NMT2: variants seen among roughly 807,000 people sequenced by gnomAD.
NMT2 encodes the protein glycylpeptide N-tetradecanoyltransferase 2.
Under a neutral mutation model 65.4 loss-of-function variants are expected in NMT2, and 35 were observed. The ratio of observed to expected loss-of-function variants is 0.54; its 90% CI spans 0.41 to 0.71. The LOEUF (loss-of-function observed/expected upper bound fraction) is 0.71. Among genes scored for constraint, NMT2 ranks in the 30% least tolerant of loss-of-function variants. NMT2 has a pLI of 0.00. For missense variants in NMT2, 489 were observed against 611.3 expected (o/e 0.80, Z 2.11); for synonymous variants, 226 against 231.8 (o/e 0.98, Z 0.23).
At chr10:15,161,105 A>C (rs1382168160) in intron 1 of NMT2, among the ~76,000 whole-genome samples, 3 of 149,966 alleles carry the variant, frequency 2.0e-5, no homozygotes, top group Non-Finnish European at 1.5e-5. Context: ...AAAAAAAAAA[A>C]AAAAACACAA....
At position 15,164,461 on chromosome 10, in the gene NMT2, C is replaced by T. The variant is rs139442929; in HGVS notation, c.110+4042G>A. On this transcript the variant is annotated intron_variant, in intron 1 of 11. Transcript: ENST00000378165. ...TTGGTTTTGTTACCAAAGTTCAACA[C>T]GAATTTTATTTGACTCTGTCTCCAA... is the stretch of plus-strand genomic sequence containing the variant. Among the ~76,000 whole-genome samples, 8 of 152,228 alleles carry T rather than the reference C, an allele frequency of 5.3e-5. No individual in the cohort carries two copies. In the East Asian group the frequency reaches 7.7e-4, roughly 15 times the overall value.
At chr10:15,141,640 C>T in intron 1 of NMT2, 83 bp from the exon 2 acceptor site, 2 of 1,471,268 alleles carry the variant, frequency 1.4e-6, no homozygotes, top group Non-Finnish European at 9.1e-7. Flanking sequence ...TTAATCATTT[C>T]AAAAAACACA....
chr10:15,121,477 C>G (rs1032741408), intron 8 of NMT2, among the ~76,000 whole-genome samples: 4 of 152,184 alleles, frequency 2.6e-5, no homozygotes, highest in Non-Finnish European at 5.9e-5. Flanking sequence ...AATCGATTCT[C>G]TTGCCTCAGG....
intron 1 of NMT2, among the ~76,000 whole-genome samples, chr10:15,161,355 T>TA (rs1833192188): frequency 1.3e-5 from 2 of 152,220 alleles, no homozygotes; most frequent in South Asian, 4.1e-4. Flanking sequence ...TTTTATTTTT[T>TA]ACTTTTATTT....
chr10:15,122,561 A>G (rs1284682528), intron 8 of NMT2, among the ~76,000 whole-genome samples: 1 of 152,114 alleles, frequency 6.6e-6, no homozygotes, highest in Non-Finnish European at 1.5e-5. Flanking sequence ...CTAGGATTAC[A>G]AGCACGTGCC....
At chr10:15,153,797 C>A (rs1325657113) in intron 1 of NMT2, among the ~76,000 whole-genome samples, 1 of 151,776 alleles carries the variant, frequency 6.6e-6, no homozygotes, top group Non-Finnish European at 1.5e-5. Context: ...CTACAGGTGC[C>A]CGCCACCACG....
chr10:15,159,708 G>A (rs1359996575), intron 1 of NMT2, among the ~76,000 whole-genome samples: 1 of 152,170 alleles, frequency 6.6e-6, no homozygotes, highest in African/African-American at 2.4e-5. Flanking sequence ...GATTACAGGC[G>A]TGAGCCACTG....
rs749496377 is a variant in NMT2 at position 15,130,329 on chromosome 10, G to T, written c.720-17C>A. 9 of 1,526,752 alleles carry T rather than the reference G, an allele frequency of 5.9e-6. No homozygotes were observed. The highest frequency in any genetic ancestry group is 7.1e-6 in the Non-Finnish European group (8 of 1,131,164). 94.6% of individuals were successfully genotyped at this position (1,526,752 alleles called of 1,614,324 possible). A position where few individuals can be genotyped will look rare whatever the true frequency, so the allele number is the denominator to read the frequency against. On this transcript the variant is annotated splice_polypyrimidine_tract_variant and intron_variant, in intron 6 of 11. Coordinates refer to ENST00000378165, the MANE Select transcript of NMT2 (RefSeq NM_004808.3). Reference sequence around the variant, plus strand: ...TTCTTCACACTAAGAAATAAAGATGGTGAAGATTAAGAGTCAAAACGAGAT... The same window carrying T: ...TTCTTCACACTAAGAAATAAAGATGTTGAAGATTAAGAGTCAAAACGAGAT...
chr10:15,151,903 G>A (rs1194537928), intron 1 of NMT2, among the ~76,000 whole-genome samples: 1 of 152,232 alleles, frequency 6.6e-6, no homozygotes, highest in Middle Eastern at 3.2e-3. Flanking sequence ...GCACGCGCCT[G>A]TAATCCCAGC....
chr10:15,141,458 A>C lies in NMT2; in HGVS notation c.210T>G (p.Ser70=), dbSNP rs764632131. 2 of 1,614,104 alleles carry C rather than the reference A, an allele frequency of 1.2e-6. No individual in the cohort carries two copies. The highest frequency in any genetic ancestry group is 2.7e-5 in the African/African-American group (2 of 74,944). Residue 70 remains serine (S), a synonymous_variant, in exon 2 of 12, where the codon TCT becomes TCG. Transcript: ENST00000378165. ...GCTGAATTTTAATCTCCTGGGAATC[A>C]GATGCCGAGTCTGACTTGGTGCCTC... is the stretch of plus-strand genomic sequence containing the variant. ...NSGGTKSDSA[S]DSQEIKIQQP... is the part of the protein sequence containing the mutation.
intron 1 of NMT2, among the ~76,000 whole-genome samples, chr10:15,158,206 C>T (rs1833065265): frequency 6.6e-6 from 1 of 151,702 alleles, no homozygotes; most frequent in African/African-American, 2.4e-5. Flanking sequence ...ATCCCAGCTA[C>T]TTGGGAGGCT....
chr10:15,155,203 T>C (rs553593691), intron 1 of NMT2: 24 of 1,535,090 alleles, frequency 1.6e-5, no homozygotes, highest in Non-Finnish European at 2.0e-5. Context: ...TTCTCTCCAG[T>C]GCTCAGAGCA....
chr10:15,139,763 CA>C (rs1846664501), intron 2 of NMT2: 1 of 150,102 alleles, frequency 6.7e-6, no homozygotes, highest in Non-Finnish European at 1.5e-5. Context: ...AAACAGGTGA[CA>C]ACATCAAAAC....
At chr10:15,163,589 A>C (rs1254551624) in intron 1 of NMT2, among the ~76,000 whole-genome samples, 1 of 152,228 alleles carries the variant, frequency 6.6e-6, no homozygotes, top group East Asian at 1.9e-4. Flanking sequence ...AATTTCAGAA[A>C]GGGCAGCTTT....
chr10:15,167,788 A>T (rs1588470817), intron 1 of NMT2, among the ~76,000 whole-genome samples: 2 of 152,224 alleles, frequency 1.3e-5, no homozygotes, highest in South Asian at 4.1e-4. Flanking sequence ...TGGTGCATCG[A>T]GTTTTGGAGA....
At chr10:15,136,724 G>A (rs1235335591) in intron 2 of NMT2, among the ~76,000 whole-genome samples, 1 of 152,044 alleles carries the variant, frequency 6.6e-6, no homozygotes, top group Non-Finnish European at 1.5e-5. Context: ...CCCAGCCCAA[G>A]TGTTGGAAAC....
intron 2 of NMT2, chr10:15,141,139 A>G: frequency 9.8e-7 from 1 of 1,019,852 alleles, no homozygotes; most frequent in Non-Finnish European, 1.5e-6. Context: ...ACAAGCTCAC[A>G]CTGAGACTTT....
intron 3 of NMT2, 88 bp downstream of exon 3, chr10:15,135,184 CTT>C (rs1160472371): frequency 1.2e-5 from 15 of 1,295,604 alleles, no homozygotes; most frequent in Admixed American, 1.8e-5. Flanking sequence ...AGTTAACACT[CTT>C]TGTGTTTTGT....
intron 6 of NMT2, among the ~76,000 whole-genome samples, chr10:15,131,197 T>C (rs1357760181): frequency 5.9e-5 from 9 of 152,198 alleles, no homozygotes; most frequent in African/African-American, 1.7e-4. Flanking sequence ...GCCAAAATGA[T>C]TGTAAAACGC....
Sources: gnomAD v4.1 joint callset for allele counts (sites outside exome capture counted in the v4.1 genomes callset) on GRCh38, gnomAD v4.1.1 for gene constraint, MANE v1.5 for transcripts, NCBI Gene and HGNC (gene_info 2026-07-23, HGNC 2026-07-21) for gene names.